The following FAM193A variants were observed in gnomAD, a reference collection of about 807,000 sequenced individuals.
FAM193A encodes the protein family with sequence similarity 193 member A.
A neutral mutation model predicts 126.5 loss-of-function variants in FAM193A; 22 were observed. The observed-to-expected ratio is 0.17, with a 90% CI of 0.12 to 0.25. The LOEUF is 0.25. FAM193A is among the 10% of genes least tolerant of loss of function. The probability of loss-of-function intolerance (pLI) is 1.00; values close to 1 mark genes in which losing one functional copy is unlikely to be tolerated. For missense variants in FAM193A, 1,675 were observed against 1,672.8 expected, an observed-to-expected ratio of 1.00 and a Z score of -0.02; for synonymous variants, 761 against 646.8, an observed-to-expected ratio of 1.18 and a Z score of -2.68.
At chr4:2,584,942 AC>A (rs1366671505) in intron 1 of FAM193A, among the ~76,000 whole-genome samples, 2 of 151,942 alleles carry the variant, frequency 1.3e-5, no homozygotes, top group Non-Finnish European at 2.9e-5. Flanking sequence ...GAAAAAAAAA[AC>A]AAACCAAAAC....
intron 17 of FAM193A, 104 bp from the exon 18 acceptor site, chr4:2,696,259 T>C (rs985322768): frequency 1.9e-5 from 14 of 740,898 alleles, no homozygotes; most frequent in Non-Finnish European, 2.9e-5. Context: ...ACAACAAATA[T>C]ATACTACTTG....
rs141491160 is a variant in FAM193A at position 2,695,745 on chromosome 4, T to A, written c.3276+616T>A. 9.2e-5 allele frequency among the ~76,000 whole-genome samples: 14 copies of A among 152,270 alleles called. No homozygotes were observed. In the East Asian group the frequency reaches 9.6e-4, roughly 10 times the overall value. Reference sequence around the variant, plus strand: ...GGAAAGATACTACAGACACATTTATTGACATGAAAAGATATTCACACCATG... The same window carrying A: ...GGAAAGATACTACAGACACATTTATAGACATGAAAAGATATTCACACCATG... On this transcript the variant is annotated intron_variant, in intron 17 of 20. Coordinates refer to ENST00000637812, the MANE Select transcript of FAM193A (RefSeq NM_001366318.2).
At chr4:2,578,638 C>G (rs1210671173) in intron 1 of FAM193A, among the ~76,000 whole-genome samples, 1 of 152,066 alleles carries the variant, frequency 6.6e-6, no homozygotes, top group Non-Finnish European at 1.5e-5. Context: ...TCGCTTATAC[C>G]TTTCAACTCT....
Position 2,581,815 on chromosome 4 carries a change from G to A in FAM193A, c.256-14269G>A, listed in dbSNP as rs911633339. 4.0e-5 allele frequency among the ~76,000 whole-genome samples: 6 copies of A among 151,554 alleles called. No homozygotes were observed. In the East Asian group the frequency reaches 7.9e-4, roughly 20 times the overall value. On this transcript the variant is annotated intron_variant, in intron 1 of 20. Coordinates refer to ENST00000637812, the MANE Select transcript of FAM193A (RefSeq NM_001366318.2). The stretch of plus-strand genomic sequence containing the variant: ...ACTACAGGCCCCCGCCACCATGCAC[G>A]GCTAATTTTTTGTATTTTTAGTAGA...
At chr4:2,641,973 A>G (rs1470883579) in intron 6 of FAM193A, among the ~76,000 whole-genome samples, 1 of 151,626 alleles carries the variant, frequency 6.6e-6, no homozygotes, top group East Asian at 1.9e-4. Context: ...GCGGTGGCTC[A>G]TGCCTGTAAT....
chr4:2,670,291 T>G (rs1023763494), intron 12 of FAM193A, among the ~76,000 whole-genome samples: 1 of 152,206 alleles, frequency 6.6e-6, no homozygotes, highest in African/African-American at 2.4e-5. Context: ...TTTTTTTGTT[T>G]CTCTTTTTTT....
chr4:2,608,684 G>T (rs551847398), intron 2 of FAM193A, among the ~76,000 whole-genome samples: 35 of 152,090 alleles, frequency 2.3e-4, no homozygotes, highest in Non-Finnish European at 4.4e-4. Context: ...TCTATCTCGG[G>T]CCCAGAGGTA....
intron 20 of FAM193A, among the ~76,000 whole-genome samples, chr4:2,725,819 C>T (rs569255632): frequency 6.6e-6 from 1 of 152,122 alleles, no homozygotes; most frequent in East Asian, 1.9e-4. Flanking sequence ...TCACTTGATC[C>T]TCCCACCTCA....
intron 8 of FAM193A, 40 bp from the exon 9 acceptor site, chr4:2,659,518 A>C: frequency 3.0e-6 from 4 of 1,311,628 alleles, no homozygotes; most frequent in Non-Finnish European, 4.4e-6. Context: ...GTCTCGGGGA[A>C]GGGTCTTGCA....
At chr4:2,609,769 A>C (rs539350533) in intron 2 of FAM193A, among the ~76,000 whole-genome samples, 1 of 152,018 alleles carries the variant, frequency 6.6e-6, no homozygotes, top group Non-Finnish European at 1.5e-5. Context: ...CTCTACTAAA[A>C]ATATAAAAAA....
intron 7 of FAM193A, chr4:2,654,378 A>ATTTTTTTTTTTTTTTTTTTTTTTT (rs372926172): frequency 8.7e-6 from 1 of 114,588 alleles, no homozygotes; most frequent in Non-Finnish European, 1.7e-5. Context: ...TGCCTGGCTA[A>ATTTTTTTTTTTTTTTTTTTTTTTT]TTTTTTTTTT....
chr4:2,644,002 A>G (rs1744889922), intron 6 of FAM193A, among the ~76,000 whole-genome samples: 1 of 152,214 alleles, frequency 6.6e-6, no homozygotes, highest in Non-Finnish European at 1.5e-5. Flanking sequence ...TTTCACATAC[A>G]CATTGGTAAC....
At chr4:2,689,157 G>C (rs1466126249) in intron 13 of FAM193A, among the ~76,000 whole-genome samples, 1 of 152,240 alleles carries the variant, frequency 6.6e-6, no homozygotes, top group African/African-American at 2.4e-5. Context: ...TCATTAAAAT[G>C]CTTGCTGAGA....
In FAM193A at chr4:2,663,034, A is replaced by G. The variant is rs550545914; in HGVS notation, c.1899+43A>G. On this transcript the variant is annotated intron_variant, in intron 11 of 20. Coordinates refer to ENST00000637812, the MANE Select transcript of FAM193A (RefSeq NM_001366318.2). ...TCGTAGCAACAATAAATGACATAAAATGATGGTCTGACATTTTAATATTTT... is the reference window on the plus strand; with the variant it reads ...TCGTAGCAACAATAAATGACATAAAGTGATGGTCTGACATTTTAATATTTT... The G allele has an allele frequency of 1.6e-5, 26 of 1,598,962 alleles. No homozygotes were observed. In the South Asian group the frequency reaches 2.8e-4, roughly 17 times the overall value.
chr4:2,710,072 C>G (rs1178294857), intron 19 of FAM193A, among the ~76,000 whole-genome samples: 1 of 151,492 alleles, frequency 6.6e-6, no homozygotes, highest in Non-Finnish European at 1.5e-5. Context: ...TTTCCTTTCT[C>G]CCTATTTTGC....
intron 4 of FAM193A, among the ~76,000 whole-genome samples, chr4:2,630,100 C>T (rs1743407370): frequency 6.6e-6 from 1 of 150,978 alleles, no homozygotes; most frequent in Admixed American, 6.6e-5. Flanking sequence ...CCATTGCACT[C>T]CAGCCTGGGC....
chr4:2,627,318 G>A (rs1743071943), intron 4 of FAM193A, among the ~76,000 whole-genome samples: 1 of 151,748 alleles, frequency 6.6e-6, no homozygotes, highest in African/African-American at 2.4e-5. Context: ...CCACCACTGT[G>A]CCCGGCTAAT....
At chr4:2,663,080 G>A in intron 11 of FAM193A, 29 bp from the exon 12 acceptor site, 1 of 1,603,746 alleles carries the variant, frequency 6.2e-7, no homozygotes, top group Non-Finnish European at 8.5e-7. Flanking sequence ...GTTTTGAAAA[G>A]TGCAAATTAC....
intron 2 of FAM193A, chr4:2,608,201 T>G: frequency 1.4e-6 from 2 of 1,393,820 alleles, no homozygotes; most frequent in Non-Finnish European, 2.0e-6. Context: ...TTTTCTGTTT[T>G]CGAGACGGTC....
Sources: gnomAD v4.1 joint callset for allele counts (sites outside exome capture counted in the v4.1 genomes callset) on GRCh38, gnomAD v4.1.1 for gene constraint, MANE v1.5 for transcripts, NCBI Gene and HGNC (gene_info 2026-07-23, HGNC 2026-07-21) for gene names.